NDRG3: variants seen among roughly 807,000 people sequenced by gnomAD.
The protein encoded by NDRG3 is NDRG family member 3.
NDRG3 carries 23 observed loss-of-function variants against 57.2 expected under a neutral mutation model. That is an observed-to-expected ratio of 0.40 (90% CI 0.29 to 0.57). The LOEUF (loss-of-function observed/expected upper bound fraction) is 0.57. Ranked by LOEUF, NDRG3 falls within the 20% of genes least tolerant of loss-of-function variation. The pLI, the probability that NDRG3 is intolerant of heterozygous loss-of-function variation, is 0.42. For missense variants in NDRG3, 384 were observed against 457.3 expected (o/e 0.84, Z 1.46); for synonymous variants, 132 against 162.6 (o/e 0.81, Z 1.43).
chr20:36,708,059 G>A (rs1453565793), intron 2 of NDRG3, among the ~76,000 whole-genome samples: 2 of 151,808 alleles, frequency 1.3e-5, no homozygotes, highest in Admixed American at 1.3e-4. Flanking sequence ...GCTCCAGCCT[G>A]GGCAACAGAG....
At chr20:36,728,264 G>A (rs1985066350) in intron 1 of NDRG3, among the ~76,000 whole-genome samples, 1 of 152,050 alleles carries the variant, frequency 6.6e-6, no homozygotes, top group African/African-American at 2.4e-5. Flanking sequence ...CTGTTAACCA[G>A]GATGGTCTCG....
intron 13 of NDRG3, among the ~76,000 whole-genome samples, chr20:36,658,168 G>A (rs1423176073): frequency 1.3e-5 from 2 of 152,064 alleles, no homozygotes; most frequent in African/African-American, 2.4e-5. Flanking sequence ...TCTCACTCTC[G>A]TTGCCCAGGC....
chr20:36,675,091 C>T (rs1168920089), intron 8 of NDRG3, among the ~76,000 whole-genome samples: 3 of 136,744 alleles, frequency 2.2e-5, no homozygotes, highest in African/African-American at 5.5e-5. Context: ...GAGACAGTCT[C>T]GTCTGTTGCC....
At chr20:36,665,974 G>A (rs1328655366) in intron 10 of NDRG3, among the ~76,000 whole-genome samples, 3 of 152,112 alleles carry the variant, frequency 2.0e-5, no homozygotes, top group Non-Finnish European at 4.4e-5. Context: ...TGTTTTCCTT[G>A]TAACTGAGTT....
intron 1 of NDRG3, among the ~76,000 whole-genome samples, chr20:36,726,910 C>CT (rs1568668737): frequency 1.4e-5 from 2 of 138,732 alleles, no homozygotes; most frequent in Admixed American, 7.1e-5. Context: ...AGATATCTTT[C>CT]TTTCTTTTTT....
At chr20:36,700,269 C>T (rs1327162453) in intron 3 of NDRG3, among the ~76,000 whole-genome samples, 1 of 152,050 alleles carries the variant, frequency 6.6e-6, no homozygotes, top group Non-Finnish European at 1.5e-5. Context: ...CCATAATATG[C>T]CCTCAAGTCA....
chr20:36,741,087 G>T (rs1379493764), intron 1 of NDRG3, among the ~76,000 whole-genome samples: 1 of 152,102 alleles, frequency 6.6e-6, no homozygotes, highest in African/African-American at 2.4e-5. Flanking sequence ...ACTTTTTGAT[G>T]CACCCCTTCC....
intron 1 of NDRG3, among the ~76,000 whole-genome samples, chr20:36,745,512 A>C (rs537182129): frequency 7.9e-5 from 12 of 152,276 alleles, no homozygotes; most frequent in African/African-American, 2.9e-4. Context: ...TCCGTGCCTC[A>C]GTTTCCTCGG....
intron 12 of NDRG3, among the ~76,000 whole-genome samples, chr20:36,664,397 G>A (rs948176827): frequency 2.0e-5 from 3 of 152,062 alleles, no homozygotes; most frequent in African/African-American, 7.2e-5. Context: ...ATGTCCTTCA[G>A]AAGGAGGCAG....
In NDRG3 at chr20:36,665,054, C is replaced by T. The variant is rs1204705302; in HGVS notation, c.802G>A (p.Glu268Lys). The change falls in exon 12 of 16, where the codon GAG becomes AAG. Residue 268 changes from glutamate (E) to lysine (K), a missense_variant. Transcript: ENST00000349004. The stretch of plus-strand genomic sequence containing the variant: ...CATGAGGACATACTTACCACAGCCT[C>T]AACTGCAGGCGAATTGTCCCCTACC... ...LVVGDNSPAVEAVVECNSRLN... is the reference protein window; with the variant it reads ...LVVGDNSPAVKAVVECNSRLN... The T allele has an allele frequency of 5.0e-6, 8 of 1,614,136 alleles. No homozygotes were observed. Among genetic ancestry groups the T allele is most frequent in the Non-Finnish European group, 6.8e-6 (8 of 1,179,994 alleles).
chr20:36,719,585 T>C (rs1984471476), intron 2 of NDRG3, among the ~76,000 whole-genome samples: 1 of 151,894 alleles, frequency 6.6e-6, no homozygotes, highest in Admixed American at 6.6e-5. Context: ...AGTCAGCAGC[T>C]CCAGAGGCTG....
At chr20:36,687,656 G>A (rs530846571) in intron 4 of NDRG3, 44 bp from the exon 5 acceptor site, 137 of 1,585,426 alleles carry the variant, frequency 8.6e-5, no homozygotes, top group African/African-American at 5.7e-4. Flanking sequence ...TCTCCATATC[G>A]CCCCAATTTT....
intron 12 of NDRG3, among the ~76,000 whole-genome samples, chr20:36,660,619 G>A (rs972618957): frequency 2.7e-5 from 4 of 150,678 alleles, no homozygotes; most frequent in Non-Finnish European, 3.0e-5. Context: ...GGAGTGCAGT[G>A]GCGCGATCTC....
chr20:36,657,268 A>G (rs550635702), intron 13 of NDRG3, among the ~76,000 whole-genome samples: 9 of 152,214 alleles, frequency 5.9e-5, no homozygotes, highest in Middle Eastern at 3.4e-3. Flanking sequence ...CGGGGGGATC[A>G]CCTGAGGTCA....
intron 1 of NDRG3, among the ~76,000 whole-genome samples, chr20:36,745,750 G>A (rs1986157746): frequency 1.3e-5 from 2 of 152,214 alleles, no homozygotes; most frequent in South Asian, 4.1e-4. Context: ...CGCCTGCGGG[G>A]GGCGTCCCTG....
chr20:36,689,501 T>A (rs1982078355), intron 3 of NDRG3, among the ~76,000 whole-genome samples: 1 of 152,194 alleles, frequency 6.6e-6, no homozygotes. Flanking sequence ...AGATAATTTA[T>A]AATTAATTTC....
intron 15 of NDRG3, chr20:36,654,673 T>G: frequency 1.4e-6 from 1 of 691,254 alleles, no homozygotes; most frequent in Non-Finnish European, 2.7e-6. Flanking sequence ...AGGCTAAATC[T>G]CTTGGGGCGT....
chr20:36,708,173 C>A (rs959376339), intron 2 of NDRG3, among the ~76,000 whole-genome samples: 4 of 152,016 alleles, frequency 2.6e-5, no homozygotes, highest in African/African-American at 9.7e-5. Context: ...TAACCCCCTT[C>A]CTGAAAAAAG....
At chr20:36,710,322 C>T (rs1374586224) in intron 2 of NDRG3, among the ~76,000 whole-genome samples, 2 of 151,698 alleles carry the variant, frequency 1.3e-5, no homozygotes, top group Non-Finnish European at 2.9e-5. Flanking sequence ...GATCCTGTCT[C>T]ATAAATAAAT....
Sources: gnomAD v4.1 joint callset for allele counts (sites outside exome capture counted in the v4.1 genomes callset) on GRCh38, gnomAD v4.1.1 for gene constraint, MANE v1.5 for transcripts, NCBI Gene and HGNC (gene_info 2026-07-23, HGNC 2026-07-21) for gene names.